GSN: variants seen among roughly 807,000 people sequenced by gnomAD.
The protein encoded by GSN is actin-depolymerizing factor.
In GSN, 56 loss-of-function variants were observed where a neutral mutation model predicts 85.7. That is an observed-to-expected ratio of 0.65 (90% confidence interval 0.53 to 0.82). GSN has a LOEUF of 0.82. Among genes scored for constraint, GSN ranks in the 40% least tolerant of loss-of-function variants. The probability of loss-of-function intolerance (pLI) is 0.00; values close to 1 mark genes in which losing one functional copy is unlikely to be tolerated. For missense variants in GSN, 857 were observed against 979.8 expected, an observed-to-expected ratio of 0.87 and a Z score of 1.67; for synonymous variants, 373 against 399.1, an observed-to-expected ratio of 0.93 and a Z score of 0.78.
rs146376640 is a variant in GSN, at chr9:121,260,882, T to C, written c.-340-4272T>C. On this transcript the variant is annotated intron_variant, in intron 6 of 24. Coordinates refer to the GSN transcript ENST00000373823. ...AGAAGGGAATGTAAGAAGGAGAAAG[T>C]GGAAGGGGAGGAGGAGAAAGGAGGG... Among the ~76,000 whole-genome samples, 22 of 151,918 alleles carry C rather than the reference T, an allele frequency of 1.4e-4. No individual in the cohort carries two copies. In the South Asian group the frequency reaches 1.5e-3, roughly 10 times the overall value.
At chr9:121,320,788 G>A (rs555077997) in intron 10 of GSN, among the ~76,000 whole-genome samples, 7 of 152,284 alleles carry the variant, frequency 4.6e-5, no homozygotes, top group East Asian at 1.9e-4. Flanking sequence ...CCTTTGTGCC[G>A]GGCCCTGTGC....
chr9:121,323,863 A>C (rs1021974512), intron 11 of GSN, among the ~76,000 whole-genome samples: 1 of 152,244 alleles, frequency 6.6e-6, no homozygotes, highest in Non-Finnish European at 1.5e-5. Context: ...CAGACATTTA[A>C]AAACAGCTTA....
chr9:121,302,818 G>A (rs2060022459), intron 3 of GSN, 93 bp from the exon 4 acceptor site: 4 of 1,236,060 alleles, frequency 3.2e-6, no homozygotes, highest in East Asian at 4.7e-5. Context: ...AGCTAGGTCA[G>A]GGCAGTGCTG....
At chr9:121,263,562 G>C (rs1346903362), upstream of GSN, among the ~76,000 whole-genome samples, 6 of 152,092 alleles carry the variant, frequency 3.9e-5, no homozygotes, top group Non-Finnish European at 8.8e-5. Flanking sequence ...AGGAGAGAGA[G>C]TGTGTGAAGG....
chr9:121,238,851 A>T, intron 5 of GSN: 2 of 530,070 alleles, frequency 3.8e-6, no homozygotes, highest in Non-Finnish European at 7.7e-6. Context: ...TACAGCAATC[A>T]TGGCTTGTAC....
chr9:121,312,510 G>T, intron 6 of GSN, 22 bp downstream of exon 6: 1 of 1,594,960 alleles, frequency 6.3e-7, no homozygotes, highest in African/African-American at 1.3e-5. Context: ...GTGCGCAATG[G>T]GGTGGCCATG....
chr9:121,324,974 G>A (rs1285559583), intron 12 of GSN, among the ~76,000 whole-genome samples: 1 of 152,158 alleles, frequency 6.6e-6, no homozygotes, highest in Non-Finnish European at 1.5e-5. Flanking sequence ...CAAGACCTTG[G>A]GAGAGAGACA....
At chr9:121,286,294 G>T (rs1160631610) in intron 2 of GSN, 1 of 697,230 alleles carries the variant, frequency 1.4e-6, no homozygotes, top group South Asian at 1.8e-5. Context: ...CACCAGCCAG[G>T]CCCCCTGCAG....
rs777294514 is a variant in GSN, at chr9:121,326,765, A to G, written c.1587+83A>G. 23 of 1,209,088 alleles carry G rather than the reference A, an allele frequency of 1.9e-5. No individual in the cohort carries two copies. The South Asian group carries it at 2.5e-4, about 13-fold the overall frequency. The allele number at this position is 1,209,088 out of a possible 1,614,324, so 74.9% of individuals were successfully genotyped here. A position where few individuals can be genotyped will look rare whatever the true frequency, so the allele number is the denominator to read the frequency against. On this transcript the variant is annotated intron_variant, in intron 13 of 17. Transcript: ENST00000432226. ...AATGACCAGATCTCCAGGCACAGGA[A>G]CGGGGGCAGGGGATGGTGAATGACG... is the stretch of plus-strand genomic sequence containing the variant.
the GSN span, among the ~76,000 whole-genome samples, chr9:121,202,143 G>C: frequency 2.0e-5 from 3 of 152,232 alleles, no homozygotes; most frequent in African/African-American, 7.2e-5. Flanking sequence ...TACTGCGCAG[G>C]TCTGCGTGGA....
At chr9:121,252,888 G>T (rs1416744047) in intron 6 of GSN, among the ~76,000 whole-genome samples, 1 of 152,216 alleles carries the variant, frequency 6.6e-6, no homozygotes, top group Non-Finnish European at 1.5e-5. Context: ...GTGGAAAGTA[G>T]CTTGTCTTAG....
Position 121,317,686 on chromosome 9 carries a change from G to A in GSN, c.886+468G>A, listed in dbSNP as rs56152253. ...TCATAAACTCTTTCGGTACTATCTT[G>A]TGGGAATTCTCTTGGAAACCATTGG... On this transcript the variant is annotated intron_variant, in intron 8 of 17. Transcript: ENST00000432226. 2.1e-3 allele frequency: 542 copies of A among 252,634 alleles called. 2 individuals carry two copies. The highest frequency in any genetic ancestry group is 0.012 in the African/African-American group (522 of 44,374). 15.6% of individuals were successfully genotyped at this position (252,634 alleles called of 1,614,324 possible). A position where few individuals can be genotyped will look rare whatever the true frequency, so the allele number is the denominator to read the frequency against.
chr9:121,311,877 G>C (rs2061188532), intron 5 of GSN: 1 of 159,762 alleles, frequency 6.3e-6, no homozygotes, highest in African/African-American at 2.4e-5. Context: ...GGTGGCTTCT[G>C]GTTTGGGGCT....
intron 1 of GSN, among the ~76,000 whole-genome samples, chr9:121,268,699 T>C (rs964284807): frequency 2.0e-5 from 3 of 152,170 alleles, no homozygotes; most frequent in African/African-American, 7.2e-5. Context: ...TTCTGGGGAC[T>C]GTTAGAAAGT....
intron 1 of GSN, among the ~76,000 whole-genome samples, chr9:121,270,710 G>A (rs144500184): frequency 5.1e-4 from 77 of 152,284 alleles, no homozygotes; most frequent in African/African-American, 1.7e-3. Flanking sequence ...TGCCAAACAC[G>A]TTGATTGGAT....
At chr9:121,229,458 G>A (rs4837816) in intron 4 of GSN, among the ~76,000 whole-genome samples, 57,653 of 152,004 alleles carry the variant, frequency 0.38, 13,636 homozygotes, top group East Asian at 0.62. Context: ...GACCTCAGGT[G>A]ATCCACCCGC....
chr9:121,202,356 C>T, the GSN span, among the ~76,000 whole-genome samples: 801 of 152,238 alleles, frequency 5.3e-3, 4 homozygotes, highest in Non-Finnish European at 8.7e-3. Flanking sequence ...TCGTATATAC[C>T]GGTCCTGTCC....
chr9:121,302,848 T>G, intron 3 of GSN, 63 bp from the exon 4 acceptor site: 1 of 1,563,046 alleles, frequency 6.4e-7, no homozygotes, highest in East Asian at 2.2e-5. Flanking sequence ...CTCCACCTCC[T>G]CTTCCTCAGG....
Position 121,302,716 on chromosome 9 carries a change from G to A in GSN, c.197-195G>A, listed in dbSNP as rs2060013723. On this transcript the variant is annotated intron_variant, in intron 3 of 17. Coordinates refer to ENST00000432226, the MANE Select transcript of GSN (RefSeq NM_198252.3). ...ACATAAGGGAATGTGACAGAGCTGG[G>A]AGGACGCTTAGAGAAAAATGAGGTC... Among the ~76,000 whole-genome samples, 4 of 152,182 alleles carry A rather than the reference G, an allele frequency of 2.6e-5. No homozygotes were observed. In the South Asian group the frequency reaches 8.3e-4, roughly 31 times the overall value.
Sources: allele counts gnomAD v4.1 joint callset (sites outside exome capture counted in the v4.1 genomes callset), GRCh38; gene constraint gnomAD v4.1.1; transcripts MANE v1.5; gene names NCBI Gene and HGNC (gene_info 2026-07-23, HGNC 2026-07-21).